RAB38: variants seen among roughly 807,000 people sequenced by gnomAD.
The protein encoded by RAB38 is RAB38, member RAS oncogene family, also known as ras-related protein Rab-38.
RAB38 carries 15 observed loss-of-function variants against 18.4 expected under a neutral mutation model. The observed-to-expected ratio is 0.82, with a 90% CI of 0.55 to 1.26. The LOEUF is 1.26. RAB38 is among the 50% of genes most tolerant of loss of function. The pLI, the probability that RAB38 is intolerant of heterozygous loss-of-function variation, is 0.00. For synonymous variants in RAB38, 101 were observed against 104.4 expected (o/e 0.97, Z 0.20); for missense variants, 294 against 267.4 (o/e 1.10, Z -0.69).
chr11:87,819,876 A>T, the RAB38 span, among the ~76,000 whole-genome samples: 420 of 151,766 alleles, frequency 2.8e-3, 13 homozygotes, highest in East Asian at 0.02. Flanking sequence ...GAGAAGCTCT[A>T]AGCCTATTAA....
chr11:88,109,980 A>G (rs1428565271), downstream of RAB38, among the ~76,000 whole-genome samples: 1 of 152,224 alleles, frequency 6.6e-6, no homozygotes, highest in Non-Finnish European at 1.5e-5. Context: ...AAGATCTAGA[A>G]CCAGAAATAC....
At chr11:87,937,870 G>GTGTTTTGTT in the RAB38 span, among the ~76,000 whole-genome samples, 1 of 92,024 alleles carries the variant, frequency 1.1e-5, no homozygotes, top group Non-Finnish European at 2.3e-5. Context: ...TCATTGAAGT[G>GTGTTTTGTT]TTTTTTTTTT....
chr11:88,087,905 C>T, the RAB38 span, among the ~76,000 whole-genome samples: 1 of 151,862 alleles, frequency 6.6e-6, no homozygotes, highest in African/African-American at 2.4e-5. Context: ...GAAAAAAGTC[C>T]TTATGGTCTC....
At chr11:88,113,222 C>T (rs956980972), downstream of RAB38, 4 of 150,948 alleles carry the variant, frequency 2.6e-5, no homozygotes, top group Admixed American at 2.6e-4. Flanking sequence ...CCCTTCACAA[C>T]ACTAAGAAAC....
chr11:88,059,616 G>A, the RAB38 span, among the ~76,000 whole-genome samples: 1 of 152,166 alleles, frequency 6.6e-6, no homozygotes, highest in Non-Finnish European at 1.5e-5. Context: ...GTATTTCTGT[G>A]AGACTATTCA....
chr11:87,954,777 G>C, the RAB38 span, among the ~76,000 whole-genome samples: 1 of 152,032 alleles, frequency 6.6e-6, no homozygotes, highest in Non-Finnish European at 1.5e-5. Flanking sequence ...GACACTTTTA[G>C]CTAAAATGTG....
chr11:88,036,740 G>T, the RAB38 span, among the ~76,000 whole-genome samples: 2 of 151,864 alleles, frequency 1.3e-5, no homozygotes, highest in Non-Finnish European at 2.9e-5. Context: ...TTATTTACTT[G>T]AGAACTATTA....
At chr11:88,155,973 A>AT (rs1943120028) in intron 1 of RAB38, among the ~76,000 whole-genome samples, 2 of 152,238 alleles carry the variant, frequency 1.3e-5, no homozygotes, top group African/African-American at 4.8e-5. Context: ...TCAGACATAC[A>AT]TAAAAAAAGA....
At chr11:88,025,828 T>C in the RAB38 span, among the ~76,000 whole-genome samples, 165 of 152,310 alleles carry the variant, frequency 1.1e-3, 4 homozygotes, top group East Asian at 0.02. Context: ...AGGCTGTCTG[T>C]TTACTCTATT....
chr11:87,842,814 GCGCACACA>G, the RAB38 span, among the ~76,000 whole-genome samples: 370 of 76,192 alleles, frequency 4.9e-3, 1 homozygote, highest in African/African-American at 0.016. Flanking sequence ...ACACACGCGC[GCGCACACA>G]CACACACACA....
chr11:87,829,703 C>A, the RAB38 span, among the ~76,000 whole-genome samples: 1 of 152,030 alleles, frequency 6.6e-6, no homozygotes, highest in African/African-American at 2.4e-5. Context: ...AAATAAAATA[C>A]AAGTTTAAAT....
chr11:88,172,907 C>T (rs1310350524), intron 1 of RAB38, among the ~76,000 whole-genome samples: 4 of 152,240 alleles, frequency 2.6e-5, no homozygotes, highest in African/African-American at 7.2e-5. Flanking sequence ...CAGGTTACCA[C>T]TGAGCATTAG....
At chr11:87,901,818 C>T in the RAB38 span, among the ~76,000 whole-genome samples, 2 of 151,664 alleles carry the variant, frequency 1.3e-5, no homozygotes, top group East Asian at 3.9e-4. Flanking sequence ...GTCCTTCATT[C>T]AACTCATGGT....
chr11:87,966,609 A>T, the RAB38 span, among the ~76,000 whole-genome samples: 2 of 152,194 alleles, frequency 1.3e-5, no homozygotes, highest in Non-Finnish European at 2.9e-5. Flanking sequence ...TGCTAAAATT[A>T]ACCTCATTTT....
intron 2 of RAB38, among the ~76,000 whole-genome samples, chr11:88,135,392 A>C (rs1320696328): frequency 6.6e-6 from 1 of 152,238 alleles, no homozygotes; most frequent in East Asian, 1.9e-4. Flanking sequence ...TAGTACCTGT[A>C]ACATAGAGGT....
chr11:88,115,548 A>AAGTAT, intron 2 of RAB38: 1 of 152,358 alleles, frequency 6.6e-6, no homozygotes, highest in South Asian at 2.1e-4. Context: ...AGTTCCAGAC[A>AAGTAT]AGTATAGCCT....
At chr11:88,022,628 A>AAAAAAAAAAAAAC in the RAB38 span, among the ~76,000 whole-genome samples, 1 of 150,556 alleles carries the variant, frequency 6.6e-6, no homozygotes, top group Non-Finnish European at 1.5e-5. Flanking sequence ...AAAAAAAAAA[A>AAAAAAAAAAAAAC]AAAACAACTA....
the RAB38 span, among the ~76,000 whole-genome samples, chr11:87,808,392 C>T: frequency 2.0e-5 from 3 of 152,040 alleles, no homozygotes; most frequent in Non-Finnish European, 4.4e-5. Flanking sequence ...AAGAAAATAT[C>T]CTGTTATTTG....
At chr11:88,007,818 T>G in the RAB38 span, among the ~76,000 whole-genome samples, 1 of 151,912 alleles carries the variant, frequency 6.6e-6, no homozygotes. Flanking sequence ...AGCCAAAAAC[T>G]AGGGGTAGGG....
Sources: gnomAD v4.1 joint callset for allele counts (sites outside exome capture counted in the v4.1 genomes callset) on GRCh38, gnomAD v4.1.1 for gene constraint, MANE v1.5 for transcripts, NCBI Gene and HGNC (gene_info 2026-07-23, HGNC 2026-07-21) for gene names.